ADRM1: variants seen among roughly 807,000 people sequenced by gnomAD.
ADRM1 encodes proteasomal ubiquitin receptor ADRM1.
Under a neutral mutation model 40.1 loss-of-function variants are expected in ADRM1, and 2 were observed. The observed-to-expected ratio is 0.05, with a 90% CI of 0.02 to 0.16. The LOEUF (loss-of-function observed/expected upper bound fraction) is 0.16, where lower values mean the gene tolerates loss of function less well. Ranked by LOEUF, ADRM1 falls within the 10% of genes least tolerant of loss-of-function variation. The pLI is 1.00. For synonymous variants in ADRM1, 287 were observed against 240.4 expected, an observed-to-expected ratio of 1.19 and a Z score of -1.79; for missense variants, 467 against 552.5, an observed-to-expected ratio of 0.85 and a Z score of 1.55.
intron 2 of ADRM1, 24 bp downstream of exon 2, chr20:62,303,805 G>A (rs781323348): frequency 3.1e-6 from 5 of 1,603,264 alleles, no homozygotes; most frequent in Admixed American, 1.7e-5. Context: ...AGCCGCAGCA[G>A]CAGGACAGGC....
intron 8 of ADRM1, 73 bp from the exon 9 acceptor site, chr20:62,308,295 C>T: frequency 6.5e-7 from 1 of 1,542,230 alleles, no homozygotes; most frequent in South Asian, 1.2e-5. Flanking sequence ...ACCCGCAGAG[C>T]TGGCAGCTGA....
In ADRM1 at chr20:62,303,796, G is replaced by A. The variant is rs200773657; in HGVS notation, c.213+15G>A. 5,455 of 1,606,958 alleles carry A rather than the reference G, an allele frequency of 3.4e-3. 18 individuals are homozygous for A. The highest frequency in any genetic ancestry group is 4.1e-3 in the Non-Finnish European group (4,875 of 1,178,390). The stretch of plus-strand genomic sequence containing the variant: ...ACGTGGAAGACGTGAGTGTCCCTGA[G>A]CCGCAGCAGCAGGACAGGCGACTTC... On this transcript the variant is annotated intron_variant, in intron 2 of 9. Coordinates refer to ENST00000253003, the MANE Select transcript of ADRM1 (RefSeq NM_007002.4).
At chr20:62,306,417 G>A (rs778650370) in intron 4 of ADRM1, 97 bp downstream of exon 4, 3 of 1,589,648 alleles carry the variant, frequency 1.9e-6, no homozygotes, top group East Asian at 2.2e-5. Context: ...TTTGGAAGTG[G>A]AAATAGAAGA....
At chr20:62,303,340 G>A (rs1394366891) in intron 1 of ADRM1, 2 of 447,066 alleles carry the variant, frequency 4.5e-6, no homozygotes, top group African/African-American at 2.1e-5. Flanking sequence ...GTCAAGCCTA[G>A]GGCCGGCCCC....
In ADRM1 at chr20:62,307,356, C is replaced by T; in HGVS notation, c.542-15C>T. 1 of 1,598,284 alleles carries T rather than the reference C, an allele frequency of 6.3e-7. No homozygotes were observed. Among genetic ancestry groups the T allele is most frequent in the South Asian group, 1.1e-5 (1 of 89,374 alleles). On this transcript the variant is annotated splice_polypyrimidine_tract_variant and intron_variant, in intron 5 of 9. Transcript: ENST00000253003. The stretch of plus-strand genomic sequence containing the variant: ...TAGAGGGCATCCTGAGCTCGCATTT[C>T]CTTGCCCCTCGCAGGTGGGCTGGGG...
Position 62,308,859 on chromosome 20 carries a change from C to G in ADRM1, c.*98C>G, listed in dbSNP as rs975766917. On this transcript the variant is annotated 3_prime_UTR_variant, in exon 10 of 10. Coordinates refer to ENST00000253003, the MANE Select transcript of ADRM1 (RefSeq NM_007002.4). Reference sequence around the variant, plus strand: ...TTAATAAAGTCTTTTCTTTTACCTGCCAATGCTTAGTTTCTTTGCCCAAAG... The same window carrying G: ...TTAATAAAGTCTTTTCTTTTACCTGGCAATGCTTAGTTTCTTTGCCCAAAG... 3 of 1,506,210 alleles carry G rather than the reference C, an allele frequency of 2.0e-6. No individual in the cohort carries two copies. The highest frequency in any genetic ancestry group is 1.8e-6 in the Non-Finnish European group (2 of 1,128,898). 93.3% of individuals were successfully genotyped at this position (1,506,210 alleles called of 1,614,324 possible).
intron 9 of ADRM1, 51 bp from the exon 10 acceptor site, chr20:62,308,604 C>T (rs759734083): frequency 3.1e-6 from 5 of 1,604,496 alleles, no homozygotes; most frequent in Non-Finnish European, 2.6e-6. Flanking sequence ...GCTTTGATCC[C>T]CAGTTCTGGG....
In ADRM1 at chr20:62,308,827, C is replaced by CTGA. The variant is rs1555862660; in HGVS notation, c.*68_*70dup. On this transcript the variant is annotated 3_prime_UTR_variant, in exon 10 of 10. Coordinates refer to ENST00000253003, the MANE Select transcript of ADRM1 (RefSeq NM_007002.4). ...GTTGCACACCCTCACCTCCCACCCA[C>CTGA]TGATTATTAATAAAGTCTTTTCTTT... The CTGA allele has an allele frequency of 8.3e-6, 13 of 1,570,114 alleles. No individual in the cohort carries two copies. The highest frequency in any genetic ancestry group is 2.3e-5 in the East Asian group (1 of 44,002).
At chr20:62,306,431 T>C in intron 4 of ADRM1, 111 bp downstream of exon 4, 5 of 1,569,838 alleles carry the variant, frequency 3.2e-6, no homozygotes, top group Non-Finnish European at 4.4e-6. Context: ...TAGAAGATTC[T>C]AAAAGTTAGA....
Position 62,304,477 on chromosome 20 carries a change from C to G in ADRM1, c.230C>G (p.Pro77Arg). Reference sequence around the variant, plus strand: ...GCTTGCCAGGACTTGATCATCTTCCCTGACGACTGTGAGTTCAAGCGGGTG... The same window carrying G: ...GCTTGCCAGGACTTGATCATCTTCCGTGACGACTGTGAGTTCAAGCGGGTG... ...GNVEDDLIIF[P>R]DDCEFKRVPQ... Residue 77 changes from proline to arginine, a missense_variant, in exon 3 of 10, where the codon CCT becomes CGT. Pro to Arg is a moderately radical substitution (Grantham distance 103, BLOSUM62 -2). This residue lies in a region of ADRM1 where 418 missense variants were observed against 474.6 expected (regional missense o/e 0.88). Coordinates refer to ENST00000253003, the MANE Select transcript of ADRM1 (RefSeq NM_007002.4). The G allele has an allele frequency of 6.2e-7, 1 of 1,613,806 alleles. No homozygotes were observed. Among genetic ancestry groups the G allele is most frequent in the South Asian group, 1.1e-5 (1 of 91,066 alleles).
At chr20:62,304,406 C>T in intron 2 of ADRM1, 55 bp from the exon 3 acceptor site, 3 of 1,488,012 alleles carry the variant, frequency 2.0e-6, no homozygotes, top group Non-Finnish European at 2.8e-6. Flanking sequence ...TCTCCTGAGA[C>T]TGGGCACAGT....
At chr20:62,303,339 A>G (rs1601225367) in intron 1 of ADRM1, 1 of 422,016 alleles carries the variant, frequency 2.4e-6, no homozygotes, top group Non-Finnish European at 4.2e-6. Context: ...CGTCAAGCCT[A>G]GGGCCGGCCC....
intron 6 of ADRM1, 61 bp from the exon 7 acceptor site, chr20:62,307,535 C>A (rs1462824894): frequency 6.3e-7 from 1 of 1,599,090 alleles, no homozygotes; most frequent in Admixed American, 1.7e-5. Flanking sequence ...ACCCTGGACC[C>A]TGCGAGTAGG....
Position 62,308,483 on chromosome 20 carries a change from G to A in ADRM1, c.1117+13G>A, listed in dbSNP as rs771898190. On this transcript the variant is annotated intron_variant, in intron 9 of 9. Transcript: ENST00000253003. Reference sequence around the variant, plus strand: ...GCCAACAAGGGCGGTAAGTGGCTGCGCCTGCACCTCCAGGCCAGAGCCAGG... The same window carrying A: ...GCCAACAAGGGCGGTAAGTGGCTGCACCTGCACCTCCAGGCCAGAGCCAGG... 7.5e-6 allele frequency: 12 copies of A among 1,589,538 alleles called. No homozygotes were observed. Among genetic ancestry groups the A allele is most frequent in the South Asian group, 2.3e-5 (2 of 87,682 alleles).
At chr20:62,304,385 G>A in intron 2 of ADRM1, 76 bp from the exon 3 acceptor site, 3 of 1,289,932 alleles carry the variant, frequency 2.3e-6, no homozygotes, top group Non-Finnish European at 1.1e-6. Flanking sequence ...TAGACCCAGG[G>A]CTCAGTACGC....
intron 7 of ADRM1, 49 bp from the exon 8 acceptor site, chr20:62,307,972 T>A: frequency 1.3e-6 from 2 of 1,584,454 alleles, no homozygotes; most frequent in Non-Finnish European, 1.7e-6. Flanking sequence ...GCCTTCCATG[T>A]GGGCACTTAG....
At chr20:62,305,122 T>A (rs548314250) in intron 3 of ADRM1, among the ~76,000 whole-genome samples, 1 of 152,360 alleles carries the variant, frequency 6.6e-6, no homozygotes, top group East Asian at 1.9e-4. Context: ...TGTTGCCGTT[T>A]TTTGTGCTGT....
chr20:62,307,881 C>G (rs1985352114), intron 7 of ADRM1, 53 bp downstream of exon 7: 4 of 1,559,106 alleles, frequency 2.6e-6, no homozygotes, highest in Non-Finnish European at 2.6e-6. Context: ...CCTGCTGACC[C>G]TCGCACGCTC....
At chr20:62,303,814 G>A (rs377473721) in intron 2 of ADRM1, 33 bp downstream of exon 2, 1 of 1,596,002 alleles carries the variant, frequency 6.3e-7, no homozygotes, top group African/African-American at 1.3e-5. Flanking sequence ...AGCAGGACAG[G>A]CGACTTCTCG....
Sources: gnomAD v4.1 joint callset for allele counts (sites outside exome capture counted in the v4.1 genomes callset) on GRCh38, gnomAD v4.1.1 for gene constraint, gnomAD v4.1.1 regional missense constraint, MANE v1.5 for transcripts, NCBI Gene and HGNC (gene_info 2026-07-23, HGNC 2026-07-21) for gene names.